FRMD4A: variants seen among roughly 807,000 people sequenced by gnomAD.
The protein encoded by FRMD4A is FERM domain containing 4A, also known as FERM domain-containing protein 4A.
FRMD4A carries 29 observed loss-of-function variants against 129.1 expected under a neutral mutation model. The ratio of observed to expected loss-of-function variants is 0.22; its 90% CI spans 0.17 to 0.31. FRMD4A has a LOEUF of 0.31. Ranked by LOEUF, FRMD4A falls within the 10% of genes least tolerant of loss-of-function variation. The pLI, the probability that FRMD4A is intolerant of heterozygous loss-of-function variation, is 1.00. For synonymous variants in FRMD4A, 634 were observed against 571.6 expected, an observed-to-expected ratio of 1.11 and a Z score of -1.56; for missense variants, 1,272 against 1,375.8, an observed-to-expected ratio of 0.92 and a Z score of 1.19.
chr10:14,027,449 C>T (rs1833036523), intron 2 of FRMD4A, among the ~76,000 whole-genome samples: 1 of 152,188 alleles, frequency 6.6e-6, no homozygotes, highest in Non-Finnish European at 1.5e-5. Flanking sequence ...AACCCTGTCT[C>T]TACTAAAAAT....
intron 15 of FRMD4A, among the ~76,000 whole-genome samples, chr10:13,679,367 C>T (rs1336615571): frequency 8.1e-6 from 1 of 123,274 alleles, no homozygotes; most frequent in African/African-American, 3.1e-5. Flanking sequence ...GCGGAGGTTG[C>T]AATGAGCCGA....
chr10:13,878,158 T>C (rs913272433), intron 2 of FRMD4A, among the ~76,000 whole-genome samples: 1 of 150,276 alleles, frequency 6.7e-6, no homozygotes, highest in African/African-American at 2.5e-5. Flanking sequence ...AAAATTCTAA[T>C]TGGACACAGA....
intron 2 of FRMD4A, among the ~76,000 whole-genome samples, chr10:14,139,515 C>A (rs934805606): frequency 4.6e-5 from 7 of 152,070 alleles, no homozygotes; most frequent in African/African-American, 4.8e-5. Flanking sequence ...TGTGGCTCAA[C>A]CATGGCTCTC....
intron 15 of FRMD4A, among the ~76,000 whole-genome samples, chr10:13,680,978 G>T (rs974357728): frequency 6.6e-6 from 1 of 152,120 alleles, no homozygotes; most frequent in Non-Finnish European, 1.5e-5. Context: ...GCCATTAAAT[G>T]GTGTAACGCC....
At chr10:14,199,199 TCTGG>T (rs1230975245) in intron 2 of FRMD4A, among the ~76,000 whole-genome samples, 1 of 152,046 alleles carries the variant, frequency 6.6e-6, no homozygotes, top group East Asian at 1.9e-4. Flanking sequence ...TCATTTGCTT[TCTGG>T]CTATCATTTT....
intron 5 of FRMD4A, among the ~76,000 whole-genome samples, chr10:13,794,157 C>T (rs556273340): frequency 2.6e-5 from 4 of 152,018 alleles, no homozygotes; most frequent in Admixed American, 6.6e-5. Flanking sequence ...GTTGGGAGGC[C>T]GAGGCGGATG....
chr10:14,305,655 T>A (rs1846325523), intron 2 of FRMD4A, among the ~76,000 whole-genome samples: 1 of 152,164 alleles, frequency 6.6e-6, no homozygotes, highest in Non-Finnish European at 1.5e-5. Context: ...ATAAAAATTC[T>A]CTTATAAACA....
intron 2 of FRMD4A, among the ~76,000 whole-genome samples, chr10:14,115,177 G>A (rs1403974430): frequency 6.6e-6 from 1 of 152,206 alleles, no homozygotes; most frequent in Non-Finnish European, 1.5e-5. Context: ...AATCCAATGT[G>A]TGTTTTATAG....
chr10:14,259,017 G>A (rs1844710129), intron 2 of FRMD4A, among the ~76,000 whole-genome samples: 1 of 152,018 alleles, frequency 6.6e-6, no homozygotes, highest in South Asian at 2.1e-4. Flanking sequence ...GTGAGGGAGG[G>A]ATTACAAAGG....
intron 13 of FRMD4A, among the ~76,000 whole-genome samples, chr10:13,703,515 A>G (rs1434622596): frequency 6.6e-6 from 1 of 152,182 alleles, no homozygotes; most frequent in East Asian, 1.9e-4. Flanking sequence ...CCCATCGATT[A>G]CATCTTCATT....
At chr10:13,836,908 C>T (rs559096041) in intron 3 of FRMD4A, among the ~76,000 whole-genome samples, 2 of 152,224 alleles carry the variant, frequency 1.3e-5, no homozygotes, top group South Asian at 4.1e-4. Context: ...CAGGCACCCG[C>T]CACCACGCCC....
chr10:13,685,370 T>G, intron 15 of FRMD4A: 2 of 984,264 alleles, frequency 2.0e-6, no homozygotes, highest in Non-Finnish European at 2.4e-6. Flanking sequence ...GAGAGGAGAA[T>G]GGAAAAAAAT....
intron 2 of FRMD4A, among the ~76,000 whole-genome samples, chr10:14,128,097 TTTCTTTC>T (rs1281226011): frequency 2.1e-4 from 17 of 82,866 alleles, no homozygotes; most frequent in African/African-American, 7.1e-4. Context: ...TCTTTCTTTC[TTTCTTTC>T]TTTTCTTTTC....
chr10:13,819,488 A>T (rs1371552478), intron 3 of FRMD4A, among the ~76,000 whole-genome samples: 1 of 152,048 alleles, frequency 6.6e-6, no homozygotes, highest in Non-Finnish European at 1.5e-5. Context: ...CAGGCAGCTT[A>T]GTCACACTTG....
At chr10:14,170,705 G>A (rs767200203) in intron 2 of FRMD4A, among the ~76,000 whole-genome samples, 12 of 152,016 alleles carry the variant, frequency 7.9e-5, no homozygotes, top group African/African-American at 9.7e-5. Flanking sequence ...TCTATTTACC[G>A]CACAAACATT....
chr10:13,825,621 T>A (rs1361668121), intron 3 of FRMD4A, among the ~76,000 whole-genome samples: 1 of 152,196 alleles, frequency 6.6e-6, no homozygotes, highest in Non-Finnish European at 1.5e-5. Context: ...TGGTCCCTTG[T>A]GCCAAAAAGC....
chr10:14,211,284 A>T (rs1479514540), intron 2 of FRMD4A, among the ~76,000 whole-genome samples: 1 of 152,208 alleles, frequency 6.6e-6, no homozygotes, highest in Admixed American at 6.5e-5. Flanking sequence ...TACTGTCATA[A>T]TCCCCAATGA....
chr10:13,672,648 T>A (rs1333871201), intron 16 of FRMD4A, among the ~76,000 whole-genome samples: 1 of 152,180 alleles, frequency 6.6e-6, no homozygotes, highest in Non-Finnish European at 1.5e-5. Flanking sequence ...GCTGAAGACG[T>A]AATTTAACAC....
At chr10:13,706,822 G>A (rs2087501528) in intron 13 of FRMD4A, among the ~76,000 whole-genome samples, 1 of 150,980 alleles carries the variant, frequency 6.6e-6, no homozygotes, top group Non-Finnish European at 1.5e-5. Flanking sequence ...TCAGGGGATT[G>A]CTACTTACAC....
Sources: allele counts gnomAD v4.1 joint callset (sites outside exome capture counted in the v4.1 genomes callset), GRCh38; gene constraint gnomAD v4.1.1; transcripts MANE v1.5; gene names NCBI Gene and HGNC (gene_info 2026-07-23, HGNC 2026-07-21).